The following BTBD7 variants were observed in gnomAD, a reference collection of about 807,000 sequenced individuals.
BTBD7 encodes BTB domain containing 7.
BTBD7 carries 38 observed loss-of-function variants against 99.9 expected under a neutral mutation model. The observed-to-expected ratio is 0.38, with a 90% CI of 0.29 to 0.50. BTBD7 has a LOEUF of 0.50. Among genes scored for constraint, BTBD7 ranks in the 20% least tolerant of loss-of-function variants. The probability of loss-of-function intolerance (pLI) is 0.93; values close to 1 mark genes in which losing one functional copy is unlikely to be tolerated. For synonymous variants in BTBD7, 520 were observed against 511.4 expected, an observed-to-expected ratio of 1.02 and a Z score of -0.23; for missense variants, 1,170 against 1,394.6, an observed-to-expected ratio of 0.84 and a Z score of 2.57.
At position 93,332,869 on chromosome 14, in the gene BTBD7, G is replaced by A. The variant is rs753931653; in HGVS notation, c.-156C>T. 18 of 1,468,478 alleles carry A rather than the reference G, an allele frequency of 1.2e-5. No individual in the cohort carries two copies. The South Asian group carries it at 2.2e-4, about 18-fold the overall frequency. The allele number at this position is 1,468,478 out of a possible 1,614,324, so 91.0% of individuals were successfully genotyped here. On this transcript the variant is annotated 5_prime_UTR_variant, in exon 1 of 11. Coordinates refer to ENST00000334746, the MANE Select transcript of BTBD7 (RefSeq NM_001002860.4). Reference sequence around the variant, plus strand: ...TGCTGCCGCTGGGACCGCTGCCGTCGCCTCCGCCGCCGCCGCCACCAGCAC... The same window carrying A: ...TGCTGCCGCTGGGACCGCTGCCGTCACCTCCGCCGCCGCCGCCACCAGCAC...
chr14:93,293,540 T>C (rs758857266), intron 3 of BTBD7, among the ~76,000 whole-genome samples: 2 of 152,198 alleles, frequency 1.3e-5, no homozygotes, highest in African/African-American at 2.4e-5. Flanking sequence ...ACTGGGCTCT[T>C]TCAAAGCTTG....
At position 93,294,839 on chromosome 14, in the gene BTBD7, A is replaced by G. The variant is rs768532710; in HGVS notation, c.181T>C (p.Ser61Pro). The G allele has an allele frequency of 1.2e-6, 2 of 1,613,968 alleles. No individual in the cohort carries two copies. The highest frequency in any genetic ancestry group is 1.7e-6 in the Non-Finnish European group (2 of 1,180,016). The change falls in exon 3 of 11, where the codon TCT becomes CCT. Residue 61 changes from serine to proline, a missense_variant. Physicochemically the swap from Ser to Pro is moderately conservative, Grantham distance 74. Transcript: ENST00000334746. Reference sequence around the variant, plus strand: ...TTCTTTTTGAGGGTGGCAAGACCAGAGGTTCTCTTTTTTTTGTCTTGTGGT... The same window carrying G: ...TTCTTTTTGAGGGTGGCAAGACCAGGGGTTCTCTTTTTTTTGTCTTGTGGT... ...EKPQDKKKRTSGLATLKKKFI... is the reference protein window; with the variant it reads ...EKPQDKKKRTPGLATLKKKFI...
In BTBD7 at chr14:93,251,502, G is replaced by A; in HGVS notation, c.1903C>T (p.Gln635Ter). 6.2e-7 allele frequency: 1 copy of A among 1,612,260 alleles called. No homozygotes were observed. The highest frequency in any genetic ancestry group is 8.5e-7 in the Non-Finnish European group (1 of 1,178,604). ...MISHQQISSN[Q>*]SSPPSVVANE... ...GCTACAACTGAAGGAGGGCTTGACT[G>A]GTTGCTGCTGATCTGCTGGTGGCTG... is the stretch of plus-strand genomic sequence containing the variant. Residue 635 changes from glutamine to a stop codon, truncating the protein, a stop_gained, in exon 8 of 11, where the codon CAG becomes TAG. Coordinates refer to ENST00000334746, the MANE Select transcript of BTBD7 (RefSeq NM_001002860.4). LOFTEE classifies it high-confidence loss of function.
chr14:93,253,537 T>G (rs1033636232), intron 7 of BTBD7, 110 bp downstream of exon 7: 67 of 966,774 alleles, frequency 6.9e-5, no homozygotes, highest in Non-Finnish European at 9.6e-5. Context: ...ATTTTCCCTA[T>G]TGTTGAAAAT....
In BTBD7 at chr14:93,296,013, G is replaced by T; in HGVS notation, c.39C>A (p.Ser13=). The T allele has an allele frequency of 8.1e-6, 13 of 1,613,982 alleles. No individual in the cohort carries two copies. Among genetic ancestry groups the T allele is most frequent in the Non-Finnish European group, 1.1e-5 (13 of 1,179,964 alleles). The change falls in exon 2 of 11, where the codon TCC becomes TCA. Residue 13 remains serine (S), a synonymous_variant. Transcript: ENST00000334746. ...CCTGTGAATTTCCCCCTACCCTCGG[G>T]GAACATGAATGAGGATAATTAGATG... ...ANASNYPHSC[S]PRVGGNSQAQ...
At chr14:93,262,459 C>T (rs192139042) in intron 4 of BTBD7, among the ~76,000 whole-genome samples, 328 of 152,174 alleles carry the variant, frequency 2.2e-3, no homozygotes, top group African/African-American at 7.4e-3. Flanking sequence ...AGGCTGGTCT[C>T]GTACTTCCGG....
At chr14:93,266,212 T>G (rs1045846675) in intron 3 of BTBD7, among the ~76,000 whole-genome samples, 1 of 152,136 alleles carries the variant, frequency 6.6e-6, no homozygotes, top group African/African-American at 2.4e-5. Flanking sequence ...ATGGCTGTTA[T>G]AGATCTGAAG....
intron 3 of BTBD7, among the ~76,000 whole-genome samples, chr14:93,285,068 C>T (rs2052761811): frequency 6.6e-6 from 1 of 152,062 alleles, no homozygotes; most frequent in Non-Finnish European, 1.5e-5. Context: ...TAGCTTGGCC[C>T]CATTCTTCTC....
intron 3 of BTBD7, among the ~76,000 whole-genome samples, chr14:93,282,927 C>T (rs2052737683): frequency 6.6e-6 from 1 of 152,170 alleles, no homozygotes; most frequent in African/African-American, 2.4e-5. Flanking sequence ...CAATGAAGAA[C>T]ACATATCTCA....
chr14:93,253,991 G>A (rs562499728), intron 6 of BTBD7, among the ~76,000 whole-genome samples: 1 of 150,970 alleles, frequency 6.6e-6, no homozygotes, highest in South Asian at 2.1e-4. Context: ...CGGCTGGAGT[G>A]CAGTGGCGTG....
At chr14:93,245,791 G>C in intron 10 of BTBD7, 34 bp downstream of exon 10, 1 of 1,586,086 alleles carries the variant, frequency 6.3e-7, no homozygotes, top group Non-Finnish European at 8.6e-7. Context: ...TCCATAAACC[G>C]AATTTGAAGC....
At chr14:93,245,681 C>T in intron 10 of BTBD7, 144 bp downstream of exon 10, 1 of 1,427,076 alleles carries the variant, frequency 7.0e-7, no homozygotes, top group Non-Finnish European at 9.4e-7. Context: ...TCCCTCTTTT[C>T]CATACCCCTC....
At position 93,263,841 on chromosome 14, in the gene BTBD7, A is replaced by C; in HGVS notation, c.1315T>G (p.Phe439Val). 1 of 1,614,214 alleles carries C rather than the reference A, an allele frequency of 6.2e-7. No individual in the cohort carries two copies. The highest frequency in any genetic ancestry group is 8.5e-7 in the Non-Finnish European group (1 of 1,180,040). Residue 439 changes from phenylalanine to valine, a missense_variant, in exon 4 of 11, where the codon TTT becomes GTT. Transcript: ENST00000334746. The part of the protein sequence containing the change: ...EFSQVMTSDV[F>V]YELSKDHLLT... Reference sequence around the variant, plus strand: ...AGATGGTCTTTGCTGAGTTCATAAAAAACATCCGAAGTCATGACCTGGGAA... The same window carrying C: ...AGATGGTCTTTGCTGAGTTCATAAACAACATCCGAAGTCATGACCTGGGAA...
At chr14:93,262,870 A>C (rs2052505399) in intron 4 of BTBD7, among the ~76,000 whole-genome samples, 1 of 152,086 alleles carries the variant, frequency 6.6e-6, no homozygotes. Flanking sequence ...TAACACAAAC[A>C]TAAAGCGTCC....
rs79622170 is a variant in BTBD7, at chr14:93,317,027, A to G, written c.-107+15793T>C. On this transcript the variant is annotated intron_variant, in intron 1 of 10. Coordinates refer to ENST00000334746, the MANE Select transcript of BTBD7 (RefSeq NM_001002860.4). ...ACTTTGTTTAATTCATCCTTTCCAA[A>G]CTTAATCACAGAAACCTTCATAAGA... is the stretch of plus-strand genomic sequence containing the variant. Among the ~76,000 whole-genome samples the G allele has an allele frequency of 3.9e-5, 6 of 152,316 alleles. No individual in the cohort carries two copies. The East Asian group carries it at 9.6e-4, about 24-fold the overall frequency.
At chr14:93,258,366 G>T (rs1054409208) in intron 5 of BTBD7, among the ~76,000 whole-genome samples, 60 of 151,870 alleles carry the variant, frequency 4.0e-4, no homozygotes, top group Non-Finnish European at 4.9e-4. Context: ...CTTATTTAAG[G>T]CATTCTGCTT....
intron 4 of BTBD7, 66 bp from the exon 5 acceptor site, chr14:93,261,743 C>T: frequency 8.3e-7 from 1 of 1,206,172 alleles, no homozygotes; most frequent in East Asian, 2.4e-5. Flanking sequence ...TCATTAAGGA[C>T]TTTTCGTAGG....
Position 93,242,650 on chromosome 14 carries a change from C to A in BTBD7, c.3022G>T (p.Glu1008Ter). The A allele has an allele frequency of 6.2e-7, 1 of 1,613,838 alleles. No homozygotes were observed. ...SPKKQEEARR[E>*]YPLSPDGHLH... ...TGCCCGTCAGGGGAAAGTGGATATT[C>A]TCTCCTAGCTTCTTCCTGTTTTTTA... is the stretch of plus-strand genomic sequence containing the variant. Residue 1008 changes from glutamate (E) to a stop codon, truncating the protein, a stop_gained, in exon 11 of 11, where the codon GAA becomes TAA. Transcript: ENST00000334746. LOFTEE classifies it high-confidence loss of function.
rs756306130 is a variant in BTBD7, at chr14:93,293,883, G to C, written c.1137C>G (p.Phe379Leu). The change falls in exon 3 of 11, where the codon TTC (phenylalanine) becomes TTG (leucine). Residue 379 changes from phenylalanine to leucine, a missense_variant. Around this residue, in one of 4 missense-constraint regions of BTBD7, gnomAD observed 359 missense variants for 497.9 expected, o/e 0.72. Coordinates refer to ENST00000334746, the MANE Select transcript of BTBD7 (RefSeq NM_001002860.4). ...CTTGTGCAAGCATGTTAAATTCCAA[G>C]AACAGTGCTATGTGGTAAAGTTCCA... is the stretch of plus-strand genomic sequence containing the variant. ...EAMELYHIAL[F>L]LEFNMLAQGC... 1 of 1,611,702 alleles carries C rather than the reference G, an allele frequency of 6.2e-7. No homozygotes were observed. Among genetic ancestry groups the C allele is most frequent in the East Asian group, 2.2e-5 (1 of 44,876 alleles).
Sources: gnomAD v4.1 joint callset for allele counts (sites outside exome capture counted in the v4.1 genomes callset) on GRCh38, gnomAD v4.1.1 for gene constraint, gnomAD v4.1.1 regional missense constraint, MANE v1.5 for transcripts, NCBI Gene and HGNC (gene_info 2026-07-23, HGNC 2026-07-21) for gene names.